Variants in LARGE1 observed in about 807,000 individuals in gnomAD.
LARGE1 encodes the protein LARGE xylosyl- and glucuronyltransferase 1, also known as xylosyl- and glucuronyltransferase LARGE1.
In LARGE1, 43 loss-of-function variants were observed where a neutral mutation model predicts 87.6. That is an observed-to-expected ratio of 0.49 (90% confidence interval 0.38 to 0.63). The LOEUF is 0.63. Ranked by LOEUF, LARGE1 falls within the 30% of genes least tolerant of loss-of-function variation. LARGE1 has a pLI of 0.00. For synonymous variants in LARGE1, 434 were observed against 394.6 expected, an observed-to-expected ratio of 1.10 and a Z score of -1.18; for missense variants, 802 against 1,000.2, an observed-to-expected ratio of 0.80 and a Z score of 2.67.
the LARGE1 span, among the ~76,000 whole-genome samples, chr22:33,148,825 A>G: frequency 6.6e-6 from 1 of 152,112 alleles, no homozygotes; most frequent in Non-Finnish European, 1.5e-5. Context: ...ACTGGCTAAA[A>G]ATATTAAATT....
intron 9 of LARGE1, among the ~76,000 whole-genome samples, chr22:33,372,117 C>A (rs2064832129): frequency 6.6e-6 from 1 of 152,030 alleles, no homozygotes; most frequent in Admixed American, 6.5e-5. Context: ...AAACACTCAT[C>A]AAATGTCTGG....
the LARGE1 span, among the ~76,000 whole-genome samples, chr22:33,153,989 A>G: frequency 6.6e-6 from 1 of 152,282 alleles, no homozygotes; most frequent in African/African-American, 2.4e-5. Flanking sequence ...TCTGGGACCA[A>G]TGTGGGGTTC....
Position 33,181,055 on chromosome 22 carries a change from A to C in LARGE1, c.1731-14223T>G, listed in dbSNP as rs145605658. Reference sequence around the variant, plus strand: ...TGAGCTGCACACTTGAAAGTGGGTAAATTATAAGGTTTATTAATTATATCT... The same window carrying C: ...TGAGCTGCACACTTGAAAGTGGGTACATTATAAGGTTTATTAATTATATCT... On this transcript the variant is annotated intron_variant, in intron 11 of 11. Transcript: ENST00000608642. Among the ~76,000 whole-genome samples the C allele has an allele frequency of 2.0e-3, 300 of 152,334 alleles. 1 individual carries two copies. The highest frequency in any genetic ancestry group is 7.0e-3 in the African/African-American group (291 of 41,588).
intron 9 of LARGE1, among the ~76,000 whole-genome samples, chr22:33,373,809 C>T (rs1054070093): frequency 1.3e-5 from 2 of 151,894 alleles, no homozygotes; most frequent in African/African-American, 4.8e-5. Flanking sequence ...CCTGTCTCTA[C>T]TAAAAATACA....
At chr22:33,846,950 A>G (rs1320984828) in intron 1 of LARGE1, among the ~76,000 whole-genome samples, 4 of 152,066 alleles carry the variant, frequency 2.6e-5, no homozygotes, top group African/African-American at 4.8e-5. Context: ...TTCTGCCTCC[A>G]CTTGCCTTGT....
At chr22:33,691,571 G>A (rs544655123) in intron 2 of LARGE1, among the ~76,000 whole-genome samples, 48 of 152,224 alleles carry the variant, frequency 3.2e-4, no homozygotes, top group African/African-American at 1.1e-3. Context: ...CAAGCAAAAC[G>A]CATGCCTCTC....
At chr22:33,089,371 C>CTTCTCCTTCTT in the LARGE1 span, among the ~76,000 whole-genome samples, 183 of 76,068 alleles carry the variant, frequency 2.4e-3, no homozygotes, top group East Asian at 0.023. Context: ...TTCTTCTTCT[C>CTTCTCCTTCTT]CTTCTTCTTC....
chr22:33,274,268 C>G lies in LARGE1; in HGVS notation c.*159G>C. ...AGAGAGGGACTGGCTGGATCCTTGT[C>G]CAAGGTCTCTGTAGTGAGGGCAGCT... is the stretch of plus-strand genomic sequence containing the variant. On this transcript the variant is annotated 3_prime_UTR_variant, in exon 15 of 15. Coordinates refer to ENST00000397394, the MANE Select transcript of LARGE1 (RefSeq NM_133642.5). The G allele has an allele frequency of 1.3e-6, 1 of 744,722 alleles. No homozygotes were observed. The highest frequency in any genetic ancestry group is 2.3e-6 in the Non-Finnish European group (1 of 431,710). 46.1% of individuals were successfully genotyped at this position (744,722 alleles called of 1,614,324 possible).
intron 6 of LARGE1, among the ~76,000 whole-genome samples, chr22:33,549,709 A>C (rs1218297971): frequency 2.0e-5 from 3 of 152,222 alleles, no homozygotes; most frequent in Non-Finnish European, 4.4e-5. Flanking sequence ...GTTTAAGAAA[A>C]GTCAAGTCAA....
At chr22:33,440,224 T>C (rs2067417883) in intron 6 of LARGE1, among the ~76,000 whole-genome samples, 2 of 152,198 alleles carry the variant, frequency 1.3e-5, no homozygotes, top group South Asian at 4.1e-4. Flanking sequence ...ATAAAAAATA[T>C]ACATTATCCA....
intron 11 of LARGE1, among the ~76,000 whole-genome samples, chr22:33,259,326 A>G (rs1174826636): frequency 1.2e-5 from 1 of 86,370 alleles, no homozygotes; most frequent in African/African-American, 3.9e-5. Flanking sequence ...GGCAACACAC[A>G]CACACACACA....
Position 33,552,868 on chromosome 22 carries a change from A to G in LARGE1, c.787+11980T>C, listed in dbSNP as rs75456877. 9.0e-3 allele frequency among the ~76,000 whole-genome samples: 1,376 copies of G among 152,312 alleles called. 6 individuals are homozygous for G. Among genetic ancestry groups the G allele is most frequent in the Non-Finnish European group, 0.014 (941 of 68,028 alleles). Reference sequence around the variant, plus strand: ...AAAACACCTGCAAAATACTAGGTGAATTACATATTTTGCTCCTAACATAAT... The same window carrying G: ...AAAACACCTGCAAAATACTAGGTGAGTTACATATTTTGCTCCTAACATAAT... On this transcript the variant is annotated intron_variant, in intron 6 of 14. Coordinates refer to ENST00000397394, the MANE Select transcript of LARGE1 (RefSeq NM_133642.5).
chr22:33,364,021 G>C (rs188385912), intron 9 of LARGE1, among the ~76,000 whole-genome samples: 1 of 148,896 alleles, frequency 6.7e-6, no homozygotes, highest in African/African-American at 2.5e-5. Flanking sequence ...GGCCAATCTG[G>C]GTCTCAGAGT....
chr22:33,192,245 G>A (rs1923822070), intron 11 of LARGE1, among the ~76,000 whole-genome samples: 1 of 152,208 alleles, frequency 6.6e-6, no homozygotes, highest in African/African-American at 2.4e-5. Context: ...TGAAGGAACT[G>A]AGACATCCGA....
At chr22:33,484,096 C>T (rs977696579) in intron 6 of LARGE1, among the ~76,000 whole-genome samples, 2 of 152,166 alleles carry the variant, frequency 1.3e-5, no homozygotes, top group African/African-American at 2.4e-5. Flanking sequence ...AAAGCTGCAC[C>T]TCACCAAATA....
intron 7 of LARGE1, among the ~76,000 whole-genome samples, chr22:33,421,239 AATC>A (rs1210367278): frequency 6.6e-6 from 1 of 152,048 alleles, no homozygotes; most frequent in Non-Finnish European, 1.5e-5. Context: ...TCAATCAATC[AATC>A]AATAAAGGAG....
At chr22:33,079,660 T>C in the LARGE1 span, among the ~76,000 whole-genome samples, 3 of 152,306 alleles carry the variant, frequency 2.0e-5, no homozygotes, top group Admixed American at 6.5e-5. Context: ...CTCTAAGCTT[T>C]TCAGAGGTAC....
At chr22:33,356,306 A>G (rs1940883664) in intron 9 of LARGE1, among the ~76,000 whole-genome samples, 1 of 152,196 alleles carries the variant, frequency 6.6e-6, no homozygotes, top group African/African-American at 2.4e-5. Context: ...AGGGAAGACA[A>G]CAGACTCAAG....
At chr22:33,904,687 T>A (rs1172286656) in intron 1 of LARGE1, among the ~76,000 whole-genome samples, 2 of 152,138 alleles carry the variant, frequency 1.3e-5, no homozygotes, top group Non-Finnish European at 2.9e-5. Flanking sequence ...TTCAGTCACT[T>A]AAGAAGATAA....
Sources: allele counts gnomAD v4.1 joint callset (sites outside exome capture counted in the v4.1 genomes callset), GRCh38; gene constraint gnomAD v4.1.1; transcripts MANE v1.5; gene names NCBI Gene and HGNC (gene_info 2026-07-23, HGNC 2026-07-21).